Variants in EPHB3 observed in about 807,000 individuals in gnomAD.
EPHB3 encodes the protein EPH receptor B3, also known as ephrin type-B receptor 3.
In EPHB3, 33 loss-of-function variants were observed where a neutral mutation model predicts 100.2. That is an observed-to-expected ratio of 0.33 (90% confidence interval 0.25 to 0.44). The LOEUF (loss-of-function observed/expected upper bound fraction) is 0.44, where lower values mean the gene tolerates loss of function less well. Among genes scored for constraint, EPHB3 ranks in the 20% least tolerant of loss-of-function variants. The pLI, the probability that EPHB3 is intolerant of heterozygous loss-of-function variation, is 1.00. For missense variants in EPHB3, 1,045 were observed against 1,378.3 expected, an observed-to-expected ratio of 0.76 and a Z score of 3.83; for synonymous variants, 526 against 554.7, an observed-to-expected ratio of 0.95 and a Z score of 0.73.
chr3:184,577,749 G>A lies in EPHB3; in HGVS notation c.1571G>A (p.Arg524His), dbSNP rs1232648223. ...GACGCCCGCTATGTGGTCCAGGTCCGTGCCCGCACAGTAGCTGGCTATGGG... is the reference window on the plus strand; with the variant it reads ...GACGCCCGCTATGTGGTCCAGGTCCATGCCCGCACAGTAGCTGGCTATGGG... Reference protein sequence around the residue: ...RPDARYVVQVRARTVAGYGQY... With the variant: ...RPDARYVVQVHARTVAGYGQY... The change falls in exon 7 of 16, where the codon CGT becomes CAT. Residue 524 changes from arginine to histidine, a missense_variant. Coordinates refer to ENST00000330394, the MANE Select transcript of EPHB3 (RefSeq NM_004443.4). This position sits in a 1 kb window ranked among gnomAD's most constrained non-coding sequence, Gnocchi z 4.9. 2 of 1,611,782 alleles carry A rather than the reference G, an allele frequency of 1.2e-6. No homozygotes were observed. The highest frequency in any genetic ancestry group is 1.1e-5 in the South Asian group (1 of 90,972).
At chr3:184,575,266 C>A in intron 3 of EPHB3, 1 of 979,526 alleles carries the variant, frequency 1.0e-6, no homozygotes, top group Non-Finnish European at 1.2e-6. Context: ...TGCCTGCTTT[C>A]TTTCTCTCCT....
Position 184,581,156 on chromosome 3 carries a change from C to T in EPHB3, c.2723C>T (p.Ala908Val). 1.2e-6 allele frequency: 2 copies of T among 1,614,094 alleles called. No homozygotes were observed. Among genetic ancestry groups the T allele is most frequent in the East Asian group, 2.2e-5 (1 of 44,890 alleles). The change falls in exon 14 of 16, where the codon GCT becomes GTT. Residue 908 changes from alanine (A) to valine (V), a missense_variant. By Grantham distance (64) the Ala-to-Val change is moderately conservative. Coordinates refer to ENST00000330394, the MANE Select transcript of EPHB3 (RefSeq NM_004443.4). ...GCCAGCCTCAAGGTCATTGCCAGCG[C>T]TCAGTCTGGGTTAGTACCTCTGCCT... ...NAASLKVIAS[A>V]QSGMSQPLLD...
rs753310936 is a variant in EPHB3 at position 184,572,932 on chromosome 3, C to T, written c.612C>T (p.Ser204=). 5.7e-6 allele frequency: 9 copies of T among 1,572,110 alleles called. No individual in the cohort carries two copies. The East Asian group carries it at 9.0e-5, about 16-fold the overall frequency. Residue 204 remains serine (S), a synonymous_variant, in exon 3 of 16, where the codon TCC becomes TCT. Coordinates refer to ENST00000330394, the MANE Select transcript of EPHB3 (RefSeq NM_004443.4). This position sits in a 1 kb window ranked among gnomAD's most constrained non-coding sequence, Gnocchi z 6.6. Reference sequence around the variant, plus strand: ...AGGGCGCCTGCATGTCGCTCATCTCCGTGCGCGCCTTCTACAAGAAGTGTG... The same window carrying T: ...AGGGCGCCTGCATGTCGCTCATCTCTGTGCGCGCCTTCTACAAGAAGTGTG... ...QDQGACMSLI[S]VRAFYKKCAS...
chr3:184,576,721 C>A, intron 4 of EPHB3, 121 bp from the exon 5 acceptor site: 1 of 955,456 alleles, frequency 1.0e-6, no homozygotes, highest in Non-Finnish European at 1.5e-6. Flanking sequence ...CGTTATTCTG[C>A]TTATCAAAGC....
chr3:184,580,888 G>T lies in EPHB3; in HGVS notation c.2538+10G>T. The T allele has an allele frequency of 6.2e-7, 1 of 1,612,162 alleles. No individual in the cohort carries two copies. The highest frequency in any genetic ancestry group is 1.7e-4 in the Middle Eastern group (1 of 6,052). ...CATGAGCAACCAGGATGTGAGTGAG[G>T]CTACGCCAGAGTGGTTGGGTAGGTG... is the stretch of plus-strand genomic sequence containing the variant. On this transcript the variant is annotated intron_variant, in intron 13 of 15. Coordinates refer to ENST00000330394, the MANE Select transcript of EPHB3 (RefSeq NM_004443.4).
rs1402238373 is a variant in EPHB3, at chr3:184,577,382, C to T, written c.1394C>T (p.Ser465Leu). The change falls in exon 6 of 16, where the codon TCA becomes TTA. Residue 465 changes from serine to leucine, a missense_variant. Transcript: ENST00000330394. The surrounding 1 kb of genome is among the most constrained non-coding windows in gnomAD (Gnocchi z 4.9). ...EVPTLRLHSS[S>L]GSSLTLSWAP... ...CCCACACTACGCCTGCACAGCAGCT[C>T]AGGCAGCAGCCTCACCCTATCCTGG... The T allele has an allele frequency of 1.2e-6, 2 of 1,613,854 alleles. No individual in the cohort carries two copies.
Position 184,575,870 on chromosome 3 carries a change from G to A in EPHB3, c.897G>A (p.Gly299=), listed in dbSNP as rs1405953790. Residue 299 remains glycine (G), a synonymous_variant, in exon 4 of 16, where the codon GGG becomes GGA. Coordinates refer to ENST00000330394, the MANE Select transcript of EPHB3 (RefSeq NM_004443.4). ...PGSYKAKQGE[G]PCLPCPPNSR... is the part of the protein sequence containing the mutation. ...GCTACAAGGCGAAGCAGGGAGAGGG[G>A]CCCTGCCTCCCATGTCCCCCCAACA... 6.2e-7 allele frequency: 1 copy of A among 1,612,880 alleles called. No homozygotes were observed. Among genetic ancestry groups the A allele is most frequent in the Non-Finnish European group, 8.5e-7 (1 of 1,179,464 alleles).
rs1714473332 is a variant in EPHB3, at chr3:184,569,136, G to A, written c.119-2182G>A. 6.6e-6 allele frequency among the ~76,000 whole-genome samples: 1 copy of A among 152,190 alleles called. No individual in the cohort carries two copies. Among genetic ancestry groups the A allele is most frequent in the South Asian group, 2.1e-4 (1 of 4,838 alleles). ...CTGAGCAGAAGGAAGTGAGGGAGAG[G>A]GAGGAGGGAGGCGGCGCGAGGGAGC... On this transcript the variant is annotated intron_variant, in intron 1 of 15. Transcript: ENST00000330394. This position sits in a 1 kb window ranked among gnomAD's most constrained non-coding sequence, Gnocchi z 5.4.
At position 184,563,560 on chromosome 3, in the gene EPHB3, G is replaced by A. The variant is rs767686840; in HGVS notation, c.118+1207G>A. ...TGGTGCGTTCTAATGTTCTCCAGAG[G>A]AAAGACCTCCTATGATCCCCCACCC... On this transcript the variant is annotated intron_variant, in intron 1 of 15. Coordinates refer to ENST00000330394, the MANE Select transcript of EPHB3 (RefSeq NM_004443.4). The surrounding 1 kb of genome is among the most constrained non-coding windows in gnomAD (Gnocchi z 4.1). 1.1e-4 allele frequency among the ~76,000 whole-genome samples: 16 copies of A among 152,200 alleles called. No homozygotes were observed. Among genetic ancestry groups the A allele is most frequent in the Non-Finnish European group, 2.2e-4 (15 of 68,042 alleles).
Position 184,573,293 on chromosome 3 carries a change from C to A in EPHB3, c.856+117C>A. On this transcript the variant is annotated intron_variant, in intron 3 of 15. Transcript: ENST00000330394. This position sits in a 1 kb window ranked among gnomAD's most constrained non-coding sequence, Gnocchi z 4.5. ...ACTAGGAGGTCTGGGAGCAGGTCCA[C>A]AGTGGAGGCAGGAGAGGGAAGAGTG... 7.8e-7 allele frequency: 1 copy of A among 1,289,460 alleles called. No individual in the cohort carries two copies. Among genetic ancestry groups the A allele is most frequent in the Non-Finnish European group, 1.1e-6 (1 of 934,134 alleles). 79.9% of individuals were successfully genotyped at this position (1,289,460 alleles called of 1,614,324 possible).
rs1560066087 is a variant in EPHB3 at position 184,581,642 on chromosome 3, C to T, written c.*20C>T. On this transcript the variant is annotated 3_prime_UTR_variant, in exon 16 of 16. Coordinates refer to ENST00000330394, the MANE Select transcript of EPHB3 (RefSeq NM_004443.4). ...GTCTGACACCGGCTCCCACGGGGAC[C>T]CTGAGGACCGTGCAGGGATGCCAAG... 6.3e-7 allele frequency: 1 copy of T among 1,585,216 alleles called. No homozygotes were observed. Among genetic ancestry groups the T allele is most frequent in the Non-Finnish European group, 8.6e-7 (1 of 1,167,268 alleles).
At position 184,578,586 on chromosome 3, in the gene EPHB3, T is replaced by C; in HGVS notation, c.1801+120T>C. 2.3e-6 allele frequency: 3 copies of C among 1,325,486 alleles called. No homozygotes were observed. Among genetic ancestry groups the C allele is most frequent in the Non-Finnish European group, 3.2e-6 (3 of 950,700 alleles). The allele number at this position is 1,325,486 out of a possible 1,614,324, so 82.1% of individuals were successfully genotyped here. A position where few individuals can be genotyped will look rare whatever the true frequency, so the allele number is the denominator to read the frequency against. ...ATAAACCCTGAATGCCCCCTCCCACTTCCAGTCAAGTGGCATTTCCTGACC... is the reference window on the plus strand; with the variant it reads ...ATAAACCCTGAATGCCCCCTCCCACCTCCAGTCAAGTGGCATTTCCTGACC... On this transcript the variant is annotated intron_variant, in intron 9 of 15. Transcript: ENST00000330394. This position sits in a 1 kb window ranked among gnomAD's most constrained non-coding sequence, Gnocchi z 4.7.
intron 1 of EPHB3, among the ~76,000 whole-genome samples, chr3:184,570,918 TGG>T (rs201778593): frequency 6.6e-6 from 1 of 151,114 alleles, no homozygotes; most frequent in African/African-American, 2.4e-5. Context: ...AAGTGGAGCC[TGG>T]GGGGAATCCT....
In EPHB3 at chr3:184,578,223, G is replaced by T. The variant is rs759482822; in HGVS notation, c.1749-191G>T. ...CCCCATTCCCTGAATCTCCGGGCAGGTTCCCTAGGGACTGAGTCCACTGAA... is the reference window on the plus strand; with the variant it reads ...CCCCATTCCCTGAATCTCCGGGCAGTTTCCCTAGGGACTGAGTCCACTGAA... On this transcript the variant is annotated intron_variant, in intron 8 of 15. Coordinates refer to ENST00000330394, the MANE Select transcript of EPHB3 (RefSeq NM_004443.4). This position sits in a 1 kb window ranked among gnomAD's most constrained non-coding sequence, Gnocchi z 4.7. 179 of 910,338 alleles carry T rather than the reference G, an allele frequency of 2.0e-4. No individual in the cohort carries two copies. Among genetic ancestry groups the T allele is most frequent in the Non-Finnish European group, 2.5e-4 (152 of 609,726 alleles). The allele number at this position is 910,338 out of a possible 1,614,324, so 56.4% of individuals were successfully genotyped here.
Position 184,582,253 on chromosome 3 carries a change from AGTGT to A in EPHB3, c.*653_*656del, listed in dbSNP as rs35514470. ...CTCAGAGCCAGAGATGGGATGTGTGAGTGTGTGTGTGTGTGTGTGTGTGTGCGCG... is the reference window on the plus strand; with the variant it reads ...CTCAGAGCCAGAGATGGGATGTGTGAGTGTGTGTGTGTGTGTGTGTGCGCG... On this transcript the variant is annotated 3_prime_UTR_variant, in exon 16 of 16. Transcript: ENST00000330394. 0.046 allele frequency: 6,892 copies of A among 150,808 alleles called. 198 individuals carry two copies. The highest frequency in any genetic ancestry group is 0.078 in the South Asian group (379 of 4,840). 9.3% of individuals were successfully genotyped at this position (150,808 alleles called of 1,614,324 possible). A position where few individuals can be genotyped will look rare whatever the true frequency, so the allele number is the denominator to read the frequency against.
Position 184,562,253 on chromosome 3 carries a change from G to GC in EPHB3, c.20dup (p.Pro8AlafsTer44), listed in dbSNP as rs1382293569. 9.2e-6 allele frequency: 9 copies of GC among 974,958 alleles called. No individual in the cohort carries two copies. The highest frequency in any genetic ancestry group is 4.6e-5 in the Admixed American group (1 of 21,816). 60.4% of individuals were successfully genotyped at this position (974,958 alleles called of 1,614,324 possible). A position where few individuals can be genotyped will look rare whatever the true frequency, so the allele number is the denominator to read the frequency against. ...CCACGGCCATGGCCAGAGCCCGCCC[G>GC]CCGCCGCCGCCGTCGCCGCCGCCGG... On this transcript the variant is annotated frameshift_variant, in exon 1 of 16. Transcript: ENST00000330394. LOFTEE classifies it high-confidence loss of function. The surrounding 1 kb of genome is among the most constrained non-coding windows in gnomAD (Gnocchi z 4.8).
Position 184,578,425 on chromosome 3 carries a change from A to T in EPHB3, c.1760A>T (p.His587Leu). Residue 587 changes from histidine to leucine, a missense_variant, in exon 9 of 16, where the codon CAC (histidine) becomes CTC (leucine). This residue lies in a region of EPHB3 where 985 missense variants were observed against 1,331.1 expected (regional missense o/e 0.74). Coordinates refer to ENST00000330394, the MANE Select transcript of EPHB3 (RefSeq NM_004443.4). This position sits in a 1 kb window ranked among gnomAD's most constrained non-coding sequence, Gnocchi z 4.7. ...IAIVCLRKQR[H>L]GSDSEYTEKL... ...CTGCCACCCTACAGGAAGCAGCGAC[A>T]CGGCTCTGATTCGGAGTACACGGAG... 1.2e-6 allele frequency: 2 copies of T among 1,613,936 alleles called. No homozygotes were observed. Among genetic ancestry groups the T allele is most frequent in the Non-Finnish European group, 1.7e-6 (2 of 1,179,966 alleles).
In EPHB3 at chr3:184,572,778, C is replaced by A. The variant is rs768143669; in HGVS notation, c.458C>A (p.Pro153His). The A allele has an allele frequency of 1.2e-6, 2 of 1,604,178 alleles. No homozygotes were observed. The highest frequency in any genetic ancestry group is 2.2e-5 in the East Asian group (1 of 44,838). Reference sequence around the variant, plus strand: ...TCCTCCCCCTTCTGGATGGAGAACCCCTACGTGAAAGTGGACACCATTGCA... The same window carrying A: ...TCCTCCCCCTTCTGGATGGAGAACCACTACGTGAAAGTGGACACCATTGCA... ...SASSPFWMENPYVKVDTIAPD... is the reference protein window; with the variant it reads ...SASSPFWMENHYVKVDTIAPD... The change falls in exon 3 of 16, where the codon CCC (proline) becomes CAC (histidine). Residue 153 changes from proline (P) to histidine (H), a missense_variant. Physicochemically the swap from Pro to His is moderately conservative, Grantham distance 77. Around this residue, in one of 2 missense-constraint regions of EPHB3, gnomAD observed 985 missense variants for 1,331.1 expected, o/e 0.74. Coordinates refer to ENST00000330394, the MANE Select transcript of EPHB3 (RefSeq NM_004443.4). This position sits in a 1 kb window ranked among gnomAD's most constrained non-coding sequence, Gnocchi z 6.6.
intron 1 of EPHB3, among the ~76,000 whole-genome samples, chr3:184,564,573 G>A (rs1183577397): frequency 6.6e-6 from 1 of 152,236 alleles, no homozygotes; most frequent in Non-Finnish European, 1.5e-5. Context: ...CCTAGGGTCT[G>A]CTCCTTGGGG....
Sources: allele counts gnomAD v4.1 joint callset (sites outside exome capture counted in the v4.1 genomes callset), GRCh38; gene constraint gnomAD v4.1.1; regional missense constraint gnomAD v4.1.1; non-coding constraint Gnocchi (gnomAD v3.1); transcripts MANE v1.5; gene names NCBI Gene and HGNC (gene_info 2026-07-23, HGNC 2026-07-21).